Variants in PPA2 observed in about 807,000 individuals in gnomAD.
PPA2 encodes the protein inorganic pyrophosphatase 2, also known as inorganic pyrophosphatase 2, mitochondrial.
A neutral mutation model predicts 49.5 loss-of-function variants in PPA2; 48 were observed. The observed-to-expected ratio is 0.97, with a 90% CI of 0.77 to 1.23. The LOEUF (loss-of-function observed/expected upper bound fraction) is 1.23, where lower values mean the gene tolerates loss of function less well. PPA2 is among the 50% of genes most tolerant of loss of function. PPA2 has a pLI of 0.00. For synonymous variants in PPA2, 131 were observed against 139.9 expected, an observed-to-expected ratio of 0.94 and a Z score of 0.45; for missense variants, 429 against 410.1, an observed-to-expected ratio of 1.05 and a Z score of -0.40.
intron 10 of PPA2, among the ~76,000 whole-genome samples, chr4:105,376,178 T>C (rs946739434): frequency 1.3e-5 from 2 of 152,168 alleles, no homozygotes; most frequent in Non-Finnish European, 2.9e-5. Flanking sequence ...TGATAACGTT[T>C]TGGGATGAAA....
intron 7 of PPA2, among the ~76,000 whole-genome samples, chr4:105,422,844 T>C (rs1723315151): frequency 6.6e-6 from 1 of 152,188 alleles, no homozygotes; most frequent in South Asian, 2.1e-4. Context: ...CTAAATAATA[T>C]TTTCATTTTC....
intron 7 of PPA2, among the ~76,000 whole-genome samples, chr4:105,406,325 A>T (rs940743138): frequency 5.9e-5 from 9 of 152,158 alleles, no homozygotes; most frequent in East Asian, 5.8e-4. Context: ...AGACAATAAA[A>T]AGTAGTCCAA....
At chr4:105,449,216 C>CAAAAAAAAAAAAA (rs576525217) in intron 4 of PPA2, 134 bp downstream of exon 4, 2 of 186,986 alleles carry the variant, frequency 1.1e-5, no homozygotes, top group Admixed American at 1.4e-4. Context: ...GACTCCGTCT[C>CAAAAAAAAAAAAA]AAAAAAAAAA....
chr4:105,369,901 A>C, intron 11 of PPA2, 148 bp from the exon 12 acceptor site: 1 of 741,380 alleles, frequency 1.3e-6, no homozygotes, highest in South Asian at 1.8e-5. Context: ...TTCTCTATTT[A>C]AAGCTATTTC....
At chr4:105,425,316 G>T (rs530648823) in intron 6 of PPA2, among the ~76,000 whole-genome samples, 21 of 152,094 alleles carry the variant, frequency 1.4e-4, no homozygotes, top group Non-Finnish European at 2.5e-4. Flanking sequence ...AACAACTACT[G>T]TAAATATGCT....
chr4:105,369,922 T>G (rs1166448896), intron 11 of PPA2, among the ~76,000 whole-genome samples, 169 bp from the exon 12 acceptor site: 1 of 152,248 alleles, frequency 6.6e-6, no homozygotes, highest in Non-Finnish European at 1.5e-5. Flanking sequence ...CCTTCAAACT[T>G]TCGTCCCAAG....
At chr4:105,407,099 A>G (rs1371135412) in intron 7 of PPA2, 2 of 150,582 alleles carry the variant, frequency 1.3e-5, no homozygotes, top group African/African-American at 2.4e-5. Flanking sequence ...TAAAAAAAAA[A>G]AAAAGAAAAG....
intron 5 of PPA2, among the ~76,000 whole-genome samples, chr4:105,440,662 C>T (rs1282777068): frequency 1.3e-5 from 2 of 152,168 alleles, no homozygotes; most frequent in African/African-American, 4.8e-5. Context: ...AGCCCACATA[C>T]TTATGACCTA....
At chr4:105,473,126 T>G (rs1723594705) in intron 1 of PPA2, among the ~76,000 whole-genome samples, 1 of 152,172 alleles carries the variant, frequency 6.6e-6, no homozygotes, top group Admixed American at 6.5e-5. Flanking sequence ...ATCGCTATTT[T>G]CTGTTACGGT....
chr4:105,447,916 T>C (rs1315397682), intron 4 of PPA2: 3 of 189,012 alleles, frequency 1.6e-5, no homozygotes, highest in South Asian at 7.6e-5. Context: ...CAGCTAATTT[T>C]TGTATATTTA....
chr4:105,456,920 C>T (rs998123195), intron 1 of PPA2, among the ~76,000 whole-genome samples, 175 bp from the exon 2 acceptor site: 1 of 152,058 alleles, frequency 6.6e-6, no homozygotes, highest in Admixed American at 6.6e-5. Context: ...CATCTAAGGA[C>T]CGAAAAGAAA....
intron 10 of PPA2, among the ~76,000 whole-genome samples, chr4:105,385,866 T>A: frequency 6.7e-6 from 1 of 148,842 alleles, no homozygotes; most frequent in East Asian, 2.0e-4. Flanking sequence ...AACATAATTT[T>A]ATTTTATTTT....
chr4:105,446,535 G>A lies in PPA2; in HGVS notation c.322-33C>T, dbSNP rs754814855. On this transcript the variant is annotated intron_variant, in intron 4 of 11. Coordinates refer to ENST00000341695, the MANE Select transcript of PPA2 (RefSeq NM_176869.3). The stretch of plus-strand genomic sequence containing the variant: ...AATCACAGAAGGAAGAAAAGGAGAT[G>A]GGATAAGAAATAATTAATTCTATGT... 12 of 1,584,368 alleles carry A rather than the reference G, an allele frequency of 7.6e-6. No homozygotes were observed. The Admixed American group carries it at 9.1e-5, about 12-fold the overall frequency.
chr4:105,423,813 C>G (rs369941587), intron 7 of PPA2, among the ~76,000 whole-genome samples: 2 of 152,084 alleles, frequency 1.3e-5, no homozygotes, highest in East Asian at 1.9e-4. Context: ...TCTTGTTAGT[C>G]ATATGAACAA....
chr4:105,465,030 T>C (rs1156909153), intron 1 of PPA2, among the ~76,000 whole-genome samples: 1 of 152,186 alleles, frequency 6.6e-6, no homozygotes, highest in Non-Finnish European at 1.5e-5. Context: ...GCATTTCCTA[T>C]TATATATATC....
At chr4:105,443,359 T>C (rs1724451671) in intron 5 of PPA2, among the ~76,000 whole-genome samples, 1 of 148,744 alleles carries the variant, frequency 6.7e-6, no homozygotes, top group Non-Finnish European at 1.5e-5. Context: ...AGAAGGAGAG[T>C]TGGAGATGAG....
Position 105,473,882 on chromosome 4 carries a change from G to C in PPA2, c.157+12C>G. 6.3e-7 allele frequency: 1 copy of C among 1,588,270 alleles called. No individual in the cohort carries two copies. Among genetic ancestry groups the C allele is most frequent in the Non-Finnish European group, 8.6e-7 (1 of 1,164,604 alleles). The stretch of plus-strand genomic sequence containing the variant: ...CGGTGCGCCGCTCGGCGAACCTCCG[G>C]GAGCTACTTACTAAAGAAGAGGCGG... On this transcript the variant is annotated intron_variant, in intron 1 of 11. Transcript: ENST00000341695.
intron 5 of PPA2, among the ~76,000 whole-genome samples, chr4:105,444,303 G>C (rs1391252931): frequency 2.0e-5 from 3 of 152,172 alleles, no homozygotes; most frequent in Non-Finnish European, 4.4e-5. Context: ...GCGGAGGCCA[G>C]ATCACACAGG....
intron 7 of PPA2, among the ~76,000 whole-genome samples, chr4:105,404,625 G>A (rs1420411855): frequency 6.6e-6 from 1 of 152,144 alleles, no homozygotes; most frequent in African/African-American, 2.4e-5. Context: ...AATCAAGGTT[G>A]TCATGGGGAT....
Sources: gnomAD v4.1 joint callset for allele counts (sites outside exome capture counted in the v4.1 genomes callset) on GRCh38, gnomAD v4.1.1 for gene constraint, MANE v1.5 for transcripts, NCBI Gene and HGNC (gene_info 2026-07-23, HGNC 2026-07-21) for gene names.